The following HECW1 variants were observed in gnomAD, a reference collection of about 807,000 sequenced individuals.
HECW1 encodes HECT, C2 and WW domain containing E3 ubiquitin protein ligase 1.
A neutral mutation model predicts 182.3 loss-of-function variants in HECW1; 61 were observed. That is an observed-to-expected ratio of 0.33 (90% CI 0.27 to 0.41). The LOEUF (loss-of-function observed/expected upper bound fraction) is 0.41, where lower values mean the gene tolerates loss of function less well. Ranked by LOEUF, HECW1 falls within the 10% of genes least tolerant of loss-of-function variation. HECW1 has a pLI of 1.00. For synonymous variants in HECW1, 859 were observed against 832.6 expected (o/e 1.03, Z -0.55); for missense variants, 1,739 against 2,108.9 (o/e 0.82, Z 3.44).
chr7:43,231,743 G>A (rs555361150), intron 2 of HECW1, among the ~76,000 whole-genome samples: 48 of 152,220 alleles, frequency 3.2e-4, no homozygotes, highest in Admixed American at 3.9e-4. Context: ...GGGGCCAGGC[G>A]CGGTGGCTCA....
At chr7:43,172,803 A>G (rs1414119404) in intron 2 of HECW1, among the ~76,000 whole-genome samples, 2 of 152,208 alleles carry the variant, frequency 1.3e-5, no homozygotes, top group East Asian at 3.9e-4. Flanking sequence ...TCTGAGTGGC[A>G]TTGTAAGCGA....
intron 13 of HECW1, among the ~76,000 whole-genome samples, chr7:43,463,435 G>A (rs545102078): frequency 1.4e-4 from 21 of 152,184 alleles, no homozygotes; most frequent in East Asian, 1.4e-3. Flanking sequence ...TTTAAAAGTC[G>A]CCATACTTGA....
intron 2 of HECW1, among the ~76,000 whole-genome samples, chr7:43,153,341 C>T (rs983575822): frequency 1.3e-5 from 2 of 152,172 alleles, no homozygotes; most frequent in African/African-American, 2.4e-5. Flanking sequence ...TATGTATTCC[C>T]TTTCCTGTCG....
intron 13 of HECW1, among the ~76,000 whole-genome samples, chr7:43,463,156 A>G (rs1263457076): frequency 6.6e-6 from 1 of 152,256 alleles, no homozygotes; most frequent in East Asian, 1.9e-4. Context: ...GCCTTTGAAT[A>G]AGCAGAAAAC....
intron 2 of HECW1, among the ~76,000 whole-genome samples, chr7:43,116,111 A>G (rs1583557173): frequency 6.6e-6 from 1 of 152,176 alleles, no homozygotes; most frequent in East Asian, 1.9e-4. Context: ...GAGGTTATGT[A>G]AGATGCTTAA....
intron 8 of HECW1, among the ~76,000 whole-genome samples, chr7:43,418,099 C>T (rs2076071206): frequency 6.6e-6 from 1 of 152,184 alleles, no homozygotes; most frequent in Non-Finnish European, 1.5e-5. Context: ...GACTCCATCT[C>T]TGCCTCCATC....
intron 5 of HECW1, among the ~76,000 whole-genome samples, chr7:43,336,895 T>G (rs1334111119): frequency 6.6e-6 from 1 of 152,246 alleles, no homozygotes; most frequent in Non-Finnish European, 1.5e-5. Context: ...GTTTTATGGC[T>G]GTGTAGTATT....
intron 5 of HECW1, among the ~76,000 whole-genome samples, chr7:43,336,071 C>T (rs1052129213): frequency 7.3e-6 from 1 of 136,610 alleles, no homozygotes; most frequent in East Asian, 2.0e-4. Context: ...CTCTTTCTTC[C>T]CCTCCCTTTC....
chr7:43,361,333 G>A (rs967737705), intron 6 of HECW1, among the ~76,000 whole-genome samples: 1 of 152,072 alleles, frequency 6.6e-6, no homozygotes, highest in Non-Finnish European at 1.5e-5. Context: ...TAATTGTTTG[G>A]TTTTAAATAT....
intron 2 of HECW1, among the ~76,000 whole-genome samples, chr7:43,124,917 T>C (rs940736817): frequency 3.3e-5 from 5 of 152,200 alleles, no homozygotes; most frequent in East Asian, 3.8e-4. Flanking sequence ...CAACCTCTGC[T>C]GTAGGAAAAC....
At chr7:43,206,946 A>C (rs1340811949) in intron 2 of HECW1, among the ~76,000 whole-genome samples, 1 of 152,140 alleles carries the variant, frequency 6.6e-6, no homozygotes, top group Non-Finnish European at 1.5e-5. Flanking sequence ...TAGCCGTTGT[A>C]TTTTCACTTG....
intron 2 of HECW1, among the ~76,000 whole-genome samples, chr7:43,125,172 G>T (rs1786073834): frequency 6.6e-6 from 1 of 152,032 alleles, no homozygotes; most frequent in South Asian, 2.1e-4. Flanking sequence ...CATTCATGAG[G>T]GCTCCAGCCT....
chr7:43,409,694 T>G (rs563013530), intron 8 of HECW1, among the ~76,000 whole-genome samples: 37 of 152,326 alleles, frequency 2.4e-4, no homozygotes, highest in African/African-American at 8.9e-4. Flanking sequence ...CCTCATCTCA[T>G]GTCCCCCTGG....
Position 43,289,069 on chromosome 7 carries a change from G to C in HECW1, c.28-22694G>C, listed in dbSNP as rs142264163. On this transcript the variant is annotated intron_variant, in intron 3 of 29. Transcript: ENST00000395891. ...AGGCATTTCCCAATTCCCATCCAGT[G>C]AAAGAATGGAGTGCCATCTCCAACA... Among the ~76,000 whole-genome samples, 48 of 151,550 alleles carry C rather than the reference G, an allele frequency of 3.2e-4. 1 individual carries two copies. The East Asian group carries it at 8.3e-3, about 26-fold the overall frequency.
chr7:43,378,107 A>G (rs921216138), intron 6 of HECW1, among the ~76,000 whole-genome samples: 2 of 152,266 alleles, frequency 1.3e-5, no homozygotes, highest in African/African-American at 4.8e-5. Flanking sequence ...ATATGTATAT[A>G]TGTGTGTTAC....
At chr7:43,207,747 G>A (rs1021563018) in intron 2 of HECW1, 42 of 152,134 alleles carry the variant, frequency 2.8e-4, no homozygotes, top group Admixed American at 1.7e-3. Flanking sequence ...TCTATTCCTG[G>A]CTTATTGTAC....
In HECW1 at chr7:43,450,843, T is replaced by G. The variant is rs1253030671; in HGVS notation, c.2414T>G (p.Leu805Arg). 4 of 1,608,738 alleles carry G rather than the reference T, an allele frequency of 2.5e-6. No homozygotes were observed. In the Admixed American group the frequency reaches 6.7e-5, roughly 27 times the overall value. ...TTGTCCGTAGGTGAATGTCCTATACTCCATAATTCCCAGCCAGTAAGCCAG... is the reference window on the plus strand; with the variant it reads ...TTGTCCGTAGGTGAATGTCCTATACGCCATAATTCCCAGCCAGTAAGCCAG... ...SNRREGECPI[L>R]HNSQPVSQLP... Residue 805 changes from leucine to arginine, a missense_variant, in exon 12 of 30, where the codon CTC (leucine) becomes CGC (arginine). Transcript: ENST00000395891.
At chr7:43,414,647 TGA>T (rs1165013561) in intron 8 of HECW1, among the ~76,000 whole-genome samples, 2 of 151,038 alleles carry the variant, frequency 1.3e-5, no homozygotes, top group East Asian at 3.9e-4. Flanking sequence ...CCTAATTTAT[TGA>T]GAGTTTTTAG....
In HECW1 at chr7:43,445,485, C is replaced by G. The variant is rs532202982; in HGVS notation, c.2313C>G (p.Asp771Glu). ...ESTNGAGPWQ[D>E]ELAAPSGHVE... is the part of the protein sequence containing the mutation. ...CGAACGGCGCTGGGCCGTGGCAAGA[C>G]GAGCTGGCCGCCCCTAGCGGGCACG... Residue 771 changes from aspartate to glutamate, a missense_variant, in exon 11 of 30, where the codon GAC becomes GAG. This residue lies in a region of HECW1 where 971 missense variants were observed against 1,029.1 expected (regional missense o/e 0.94). Transcript: ENST00000395891. 6 of 1,612,022 alleles carry G rather than the reference C, an allele frequency of 3.7e-6. No individual in the cohort carries two copies. Among genetic ancestry groups the G allele is most frequent in the Admixed American group, 1.7e-5 (1 of 59,986 alleles).
Sources: allele counts gnomAD v4.1 joint callset (sites outside exome capture counted in the v4.1 genomes callset), GRCh38; gene constraint gnomAD v4.1.1; regional missense constraint gnomAD v4.1.1; transcripts MANE v1.5; gene names NCBI Gene and HGNC (gene_info 2026-07-23, HGNC 2026-07-21).